The following HYDIN variants were observed in gnomAD, a reference collection of about 807,000 sequenced individuals.
HYDIN encodes the protein axonemal central pair apparatus protein HYDIN.
HYDIN carries 132 observed loss-of-function variants against 403.9 expected under a neutral mutation model. The ratio of observed to expected loss-of-function variants is 0.33; its 90% confidence interval spans 0.28 to 0.38. The LOEUF is 0.38. HYDIN is among the 10% of genes least tolerant of loss of function. HYDIN has a pLI of 1.00. For synonymous variants in HYDIN, 1,202 were observed against 1,891.7 expected (o/e 0.64, Z 9.46); for missense variants, 2,827 against 5,009.5 (o/e 0.56, Z 13.15).
At chr16:71,004,994 T>C (rs2079849326) in intron 23 of HYDIN, among the ~76,000 whole-genome samples, 2 of 152,350 alleles carry the variant, frequency 1.3e-5, no homozygotes, top group South Asian at 4.1e-4. Flanking sequence ...TTCAGAAGTA[T>C]GTTTTAAAAT....
intron 67 of HYDIN, among the ~76,000 whole-genome samples, chr16:70,863,819 G>C (rs976250303): frequency 6.6e-6 from 1 of 152,034 alleles, no homozygotes; most frequent in African/African-American, 2.4e-5. Context: ...AGGAGATGGA[G>C]GTTGCAGTGA....
Position 70,943,838 on chromosome 16 carries a change from C to A in HYDIN, c.6643G>T (p.Val2215Leu), listed in dbSNP as rs555322962. The A allele has an allele frequency of 1.2e-6, 2 of 1,613,326 alleles. No individual in the cohort carries two copies. The highest frequency in any genetic ancestry group is 1.1e-5 in the South Asian group (1 of 91,064). ...MSCVLPDELL[V>L]QILAERIQLS... Reference sequence around the variant, plus strand: ...TGTATCCGCTCTGCCAGGATCTGCACGAGAAGTTCATCCGGGAGCACACAG... The same window carrying A: ...TGTATCCGCTCTGCCAGGATCTGCAAGAGAAGTTCATCCGGGAGCACACAG... Residue 2215 changes from valine (V) to leucine (L), a missense_variant, in exon 42 of 86, where the codon GTG becomes TTG. Coordinates refer to ENST00000393567, the MANE Select transcript of HYDIN (RefSeq NM_001270974.2).
At chr16:71,014,542 C>A (rs1447899315) in intron 23 of HYDIN, among the ~76,000 whole-genome samples, 1 of 151,668 alleles carries the variant, frequency 6.6e-6, no homozygotes, top group Non-Finnish European at 1.5e-5. Flanking sequence ...CCTCCCCTGA[C>A]AGTGACTGAT....
chr16:71,050,684 T>C (rs2081606646), intron 18 of HYDIN, among the ~76,000 whole-genome samples: 1 of 152,020 alleles, frequency 6.6e-6, no homozygotes, highest in African/African-American at 2.4e-5. Flanking sequence ...GTTGGTAATA[T>C]GCATTTAAGT....
At chr16:71,028,772 T>A (rs1359608343) in intron 19 of HYDIN, among the ~76,000 whole-genome samples, 2 of 152,226 alleles carry the variant, frequency 1.3e-5, no homozygotes, top group African/African-American at 4.8e-5. Flanking sequence ...TATAACCATT[T>A]CTAGCTACAT....
At chr16:70,880,136 G>A (rs1358824035) in intron 60 of HYDIN, among the ~76,000 whole-genome samples, 1 of 93,550 alleles carries the variant, frequency 1.1e-5, no homozygotes, top group Non-Finnish European at 2.0e-5. Flanking sequence ...ATGGTTCACT[G>A]CAGCCTCGAC....
chr16:71,194,445 G>T (rs559158509), intron 1 of HYDIN, among the ~76,000 whole-genome samples: 205 of 152,266 alleles, frequency 1.3e-3, no homozygotes, highest in Non-Finnish European at 2.6e-3. Flanking sequence ...TTTCCTCTCA[G>T]AAAGAGCTGT....
chr16:70,945,983 G>A (rs1054684932), intron 41 of HYDIN, among the ~76,000 whole-genome samples: 3 of 152,188 alleles, frequency 2.0e-5, no homozygotes, highest in Admixed American at 1.3e-4. Context: ...GGTAATAGGC[G>A]GAGGGGGATG....
intron 13 of HYDIN, among the ~76,000 whole-genome samples, chr16:71,070,852 G>A (rs1364456641): frequency 1.6e-4 from 19 of 121,106 alleles, no homozygotes; most frequent in Non-Finnish European, 2.8e-4. Flanking sequence ...TCTGCCTCAT[G>A]TCTCAGCTTT....
intron 8 of HYDIN, among the ~76,000 whole-genome samples, chr16:71,136,772 AAAAAAAAAC>A (rs1208887656): frequency 3.4e-5 from 5 of 147,912 alleles, no homozygotes; most frequent in Non-Finnish European, 6.0e-5. Context: ...ATCTCAAAAA[AAAAAAAAAC>A]AAAAAAAACA....
intron 18 of HYDIN, among the ~76,000 whole-genome samples, chr16:71,037,574 T>A (rs918491152): frequency 4.6e-5 from 7 of 151,220 alleles, no homozygotes; most frequent in Non-Finnish European, 2.9e-5. Context: ...TCAGCGGTCG[T>A]GACTTAACCA....
rs1045069552 is a variant in HYDIN, at chr16:70,805,502, T to C, written c.*2078A>G. Among the ~76,000 whole-genome samples the C allele has an allele frequency of 2.0e-5, 3 of 152,210 alleles. No individual in the cohort carries two copies. Among genetic ancestry groups the C allele is most frequent in the African/African-American group, 7.2e-5 (3 of 41,456 alleles). On this transcript the variant is annotated 3_prime_UTR_variant, in exon 86 of 86. Coordinates refer to ENST00000393567, the MANE Select transcript of HYDIN (RefSeq NM_001270974.2). ...AAGAACTGGTTAGAAATGCAGATTCTCAAGCCCCACCCAAATCTCCTAGAT... is the reference window on the plus strand; with the variant it reads ...AAGAACTGGTTAGAAATGCAGATTCCCAAGCCCCACCCAAATCTCCTAGAT...
At position 70,959,949 on chromosome 16, in the gene HYDIN, T is replaced by C. The variant is rs2078360951; in HGVS notation, c.5969-129A>G. Reference sequence around the variant, plus strand: ...TGCTGTTTTTTTTAAATGGCAAATATTGCAGCAGTCCCCACTTGTAGTGTA... The same window carrying C: ...TGCTGTTTTTTTTAAATGGCAAATACTGCAGCAGTCCCCACTTGTAGTGTA... On this transcript the variant is annotated intron_variant, in intron 38 of 85. Coordinates refer to ENST00000393567, the MANE Select transcript of HYDIN (RefSeq NM_001270974.2). The C allele has an allele frequency of 1.0e-5, 6 of 602,354 alleles. No homozygotes were observed. The East Asian group carries it at 1.4e-4, about 14-fold the overall frequency. The allele number at this position is 602,354 out of a possible 1,614,324, so 37.3% of individuals were successfully genotyped here.
chr16:70,822,526 G>A (rs1449783114), intron 83 of HYDIN, among the ~76,000 whole-genome samples: 1 of 152,242 alleles, frequency 6.6e-6, no homozygotes, highest in Non-Finnish European at 1.5e-5. Flanking sequence ...GCAGCAGCAG[G>A]ATTTGAGCGG....
intron 18 of HYDIN, among the ~76,000 whole-genome samples, chr16:71,044,023 A>AGCAC (rs1348546235): frequency 1.3e-5 from 2 of 151,998 alleles, no homozygotes; most frequent in African/African-American, 2.4e-5. Flanking sequence ...CAAGCAAGCA[A>AGCAC]GGAAGCCTGC....
intron 1 of HYDIN, among the ~76,000 whole-genome samples, chr16:71,190,411 A>C (rs1235453914): frequency 6.6e-6 from 1 of 152,224 alleles, no homozygotes; most frequent in African/African-American, 2.4e-5. Context: ...ACTTTAAAAA[A>C]ATAATTGGTC....
At chr16:71,124,275 G>C (rs1226659961) in intron 9 of HYDIN, among the ~76,000 whole-genome samples, 1 of 152,258 alleles carries the variant, frequency 6.6e-6, no homozygotes, top group Non-Finnish European at 1.5e-5. Context: ...CGGCCACATG[G>C]TTGGCAGGTG....
intron 18 of HYDIN, among the ~76,000 whole-genome samples, chr16:71,036,962 G>A (rs2081109042): frequency 2.0e-5 from 3 of 151,490 alleles, no homozygotes; most frequent in Admixed American, 2.0e-4. Flanking sequence ...TAGCTATGGA[G>A]GGCATTCCGT....
intron 5 of HYDIN, among the ~76,000 whole-genome samples, chr16:71,174,018 C>T (rs2086568909): frequency 6.6e-6 from 1 of 152,188 alleles, no homozygotes; most frequent in South Asian, 2.1e-4. Flanking sequence ...AGACCCTGTT[C>T]TCCCCACAGA....
Sources: gnomAD v4.1 joint callset for allele counts (sites outside exome capture counted in the v4.1 genomes callset) on GRCh38, gnomAD v4.1.1 for gene constraint, MANE v1.5 for transcripts, NCBI Gene and HGNC (gene_info 2026-07-23, HGNC 2026-07-21) for gene names.